The following SPAG16 variants were observed in gnomAD, a reference collection of about 807,000 sequenced individuals.
SPAG16 encodes the protein sperm-associated antigen 16 protein.
A neutral mutation model predicts 80.4 loss-of-function variants in SPAG16; 86 were observed. That is an observed-to-expected ratio of 1.07 (90% CI 0.90 to 1.28). SPAG16 has a LOEUF of 1.28. SPAG16 is among the 50% of genes most tolerant of loss of function. The pLI is 0.00. For missense variants in SPAG16, 870 were observed against 765.3 expected (o/e 1.14, Z -1.61); for synonymous variants, 294 against 265.9 (o/e 1.11, Z -1.03).
At chr2:214,223,164 C>T (rs1383693958) in intron 15 of SPAG16, among the ~76,000 whole-genome samples, 3 of 151,934 alleles carry the variant, frequency 2.0e-5, no homozygotes, top group African/African-American at 7.3e-5. Context: ...CCTGGGGAGA[C>T]TTTATCTCAC....
At chr2:214,173,919 A>G (rs1019478112) in intron 15 of SPAG16, among the ~76,000 whole-genome samples, 5 of 151,980 alleles carry the variant, frequency 3.3e-5, no homozygotes, top group African/African-American at 4.8e-5. Context: ...GGCTGGTTCA[A>G]TATATGCAAA....
intron 15 of SPAG16, among the ~76,000 whole-genome samples, chr2:214,174,163 C>T (rs942605230): frequency 2.6e-5 from 4 of 152,008 alleles, no homozygotes; most frequent in Non-Finnish European, 5.9e-5. Flanking sequence ...CCTTTGAAAA[C>T]TGGCACAAGA....
At chr2:214,177,963 A>T (rs2057165313) in intron 15 of SPAG16, among the ~76,000 whole-genome samples, 1 of 73,612 alleles carries the variant, frequency 1.4e-5, no homozygotes, top group Non-Finnish European at 2.6e-5. Flanking sequence ...TAACTTCACA[A>T]AGTGTATGTA....
chr2:213,639,559 A>G (rs1299884512), intron 10 of SPAG16, among the ~76,000 whole-genome samples: 1 of 152,156 alleles, frequency 6.6e-6, no homozygotes, highest in East Asian at 1.9e-4. Context: ...AAGGAGGCTA[A>G]AGATAGGATC....
At chr2:213,408,687 A>G (rs537014581) in intron 9 of SPAG16, among the ~76,000 whole-genome samples, 1 of 152,214 alleles carries the variant, frequency 6.6e-6, no homozygotes, top group Non-Finnish European at 1.5e-5. Context: ...AAAAAGACAC[A>G]ATGGTTATTC....
chr2:213,740,664 T>C (rs1030167483), intron 10 of SPAG16, among the ~76,000 whole-genome samples: 18 of 152,300 alleles, frequency 1.2e-4, no homozygotes, highest in African/African-American at 4.3e-4. Context: ...ATACACTGTG[T>C]AAAGTGAAAA....
chr2:214,260,762 C>T (rs1410421557), intron 15 of SPAG16, among the ~76,000 whole-genome samples: 2 of 152,080 alleles, frequency 1.3e-5, no homozygotes, highest in Non-Finnish European at 2.9e-5. Flanking sequence ...ACTATTCAGG[C>T]ATTAGCCCTT....
chr2:213,519,130 T>A lies in SPAG16; in HGVS notation c.1070+29040T>A, dbSNP rs561511004. Among the ~76,000 whole-genome samples, 7 of 152,324 alleles carry A rather than the reference T, an allele frequency of 4.6e-5. No homozygotes were observed. The East Asian group carries it at 1.4e-3, about 29-fold the overall frequency. On this transcript the variant is annotated intron_variant, in intron 10 of 15. Transcript: ENST00000331683. ...CTATGCTCACTACCCGAGTGCAATA[T>A]ACCCAAGTAACAAACTTGTACTTGT...
At chr2:214,353,283 A>C (rs1480718705) in intron 15 of SPAG16, among the ~76,000 whole-genome samples, 1 of 151,040 alleles carries the variant, frequency 6.6e-6, no homozygotes, top group Non-Finnish European at 1.5e-5. Flanking sequence ...ATATATATAA[A>C]ATTACTGAGG....
At chr2:214,246,549 T>C (rs1385277905) in intron 15 of SPAG16, among the ~76,000 whole-genome samples, 1 of 152,092 alleles carries the variant, frequency 6.6e-6, no homozygotes, top group Non-Finnish European at 1.5e-5. Flanking sequence ...CCCTTGACTA[T>C]GCTTAGTCCA....
chr2:214,233,650 T>G (rs1442240382), intron 15 of SPAG16, among the ~76,000 whole-genome samples: 1 of 152,110 alleles, frequency 6.6e-6, no homozygotes, highest in African/African-American at 2.4e-5. Context: ...TCTTTGTGCA[T>G]CAGGGTTCTT....
intron 9 of SPAG16, among the ~76,000 whole-genome samples, chr2:213,455,526 A>G (rs1335928956): frequency 6.6e-6 from 1 of 152,174 alleles, no homozygotes; most frequent in Non-Finnish European, 1.5e-5. Flanking sequence ...CCTATGCTCC[A>G]GGTCAGCAGT....
intron 15 of SPAG16, among the ~76,000 whole-genome samples, chr2:214,289,704 C>T (rs1248394043): frequency 6.6e-6 from 1 of 151,936 alleles, no homozygotes; most frequent in East Asian, 1.9e-4. Context: ...ATTGTTTTGG[C>T]TTTTCTTGCT....
At position 213,406,474 on chromosome 2, in the gene SPAG16, C is replaced by T. The variant is rs116567247; in HGVS notation, c.942+31355C>T. On this transcript the variant is annotated intron_variant, in intron 9 of 15. Coordinates refer to ENST00000331683, the MANE Select transcript of SPAG16 (RefSeq NM_024532.5). ...GATGTCATTATTTTATTTAACCATA[C>T]ATTAAGTTGTAATTTTTATTTATGT... 5.2e-3 allele frequency among the ~76,000 whole-genome samples: 787 copies of T among 152,178 alleles called. 4 individuals are homozygous for T. Among genetic ancestry groups the T allele is most frequent in the African/African-American group, 0.017 (698 of 41,482 alleles).
At chr2:213,403,700 T>C (rs1302810640) in intron 9 of SPAG16, among the ~76,000 whole-genome samples, 1 of 152,220 alleles carries the variant, frequency 6.6e-6, no homozygotes, top group Non-Finnish European at 1.5e-5. Flanking sequence ...TTGGAAGTTC[T>C]GGCCAGGGCA....
intron 10 of SPAG16, among the ~76,000 whole-genome samples, chr2:213,729,610 T>C (rs2066936115): frequency 6.6e-6 from 1 of 152,196 alleles, no homozygotes. Flanking sequence ...TCAAACTATA[T>C]TTACAGAGCC....
rs187487807 is a variant in SPAG16 at position 213,366,961 on chromosome 2, C to T, written c.832+2816C>T. On this transcript the variant is annotated intron_variant, in intron 8 of 15. Transcript: ENST00000331683. ...ATTCCCCCTACCCCATGACAGGCCC[C>T]GGTGTGTGATGTTCCCCTTCCTGTG... 2.8e-4 allele frequency among the ~76,000 whole-genome samples: 42 copies of T among 152,124 alleles called. No homozygotes were observed. The East Asian group carries it at 5.8e-3, about 21-fold the overall frequency.
intron 14 of SPAG16, among the ~76,000 whole-genome samples, chr2:214,134,328 C>A (rs1311523409): frequency 6.6e-6 from 1 of 152,166 alleles, no homozygotes; most frequent in Non-Finnish European, 1.5e-5. Flanking sequence ...CCCCACAAAT[C>A]CATTAGGTCT....
intron 5 of SPAG16, among the ~76,000 whole-genome samples, chr2:213,339,011 G>T (rs994458518): frequency 8.2e-6 from 1 of 122,026 alleles, no homozygotes; most frequent in Non-Finnish European, 1.7e-5. Context: ...ACTTGCACCT[G>T]TGCCCCAGAA....
Sources: allele counts gnomAD v4.1 joint callset (sites outside exome capture counted in the v4.1 genomes callset), GRCh38; gene constraint gnomAD v4.1.1; transcripts MANE v1.5; gene names NCBI Gene and HGNC (gene_info 2026-07-23, HGNC 2026-07-21).